The following TUSC3 variants were observed in gnomAD, a reference collection of about 807,000 sequenced individuals.
The protein encoded by TUSC3 is dolichyl-diphosphooligosaccharide--protein glycosyltransferase subunit TUSC3.
A neutral mutation model predicts 44.8 loss-of-function variants in TUSC3; 45 were observed. The observed-to-expected ratio is 1.00, with a 90% CI of 0.79 to 1.29. The LOEUF is 1.29. TUSC3 is among the 50% of genes most tolerant of loss of function. The probability of loss-of-function intolerance (pLI) is 0.00; values close to 1 mark genes in which losing one functional copy is unlikely to be tolerated. For missense variants in TUSC3, 519 were observed against 437.9 expected, an observed-to-expected ratio of 1.19 and a Z score of -1.65; for synonymous variants, 212 against 152.9, an observed-to-expected ratio of 1.39 and a Z score of -2.85.
At chr8:15,521,383 T>C (rs1801294953) in intron 2 of TUSC3, among the ~76,000 whole-genome samples, 1 of 151,444 alleles carries the variant, frequency 6.6e-6, no homozygotes, top group Non-Finnish European at 1.5e-5. Flanking sequence ...AGGGAAGGAG[T>C]GAGGGGCAGC....
At chr8:15,809,412 T>G in the TUSC3 span, among the ~76,000 whole-genome samples, 10 of 152,212 alleles carry the variant, frequency 6.6e-5, no homozygotes, top group Non-Finnish European at 1.2e-4. Context: ...TAAAGGTCCC[T>G]TAAACAAAAA....
chr8:15,437,243 A>C (rs1296086832), intron 1 of TUSC3, among the ~76,000 whole-genome samples: 1 of 152,178 alleles, frequency 6.6e-6, no homozygotes, highest in Non-Finnish European at 1.5e-5. Context: ...AATGGGCAAA[A>C]CTTTTCCAGC....
intron 1 of TUSC3, among the ~76,000 whole-genome samples, chr8:15,559,317 G>A (rs1370572681): frequency 6.9e-6 from 1 of 145,216 alleles, no homozygotes; most frequent in Non-Finnish European, 1.5e-5. Flanking sequence ...GCAGTTTTGA[G>A]TGAGATTCTT....
chr8:15,833,597 A>G, the TUSC3 span, among the ~76,000 whole-genome samples: 8 of 152,192 alleles, frequency 5.3e-5, no homozygotes, highest in South Asian at 6.2e-4. Context: ...ACAGAAAACC[A>G]AATACCACAC....
intron 9 of TUSC3, among the ~76,000 whole-genome samples, chr8:15,756,922 T>G (rs1811951386): frequency 6.6e-6 from 1 of 152,152 alleles, no homozygotes. Context: ...GCAGGAGAAT[T>G]TCCTGAGGCC....
At chr8:15,845,648 T>C in the TUSC3 span, among the ~76,000 whole-genome samples, 1 of 152,096 alleles carries the variant, frequency 6.6e-6, no homozygotes, top group South Asian at 2.1e-4. Flanking sequence ...TAGCCCTGAG[T>C]TGTCATTTAT....
rs117205099 is a variant in TUSC3 at position 15,724,536 on chromosome 8, C to T, written c.799-6130C>T. Among the ~76,000 whole-genome samples the T allele has an allele frequency of 9.4e-4, 143 of 152,198 alleles. 2 individuals carry two copies. The East Asian group carries it at 0.025, about 26-fold the overall frequency. ...AATACAAGATTTTTTCCCTCTGTTT[C>T]GTTTTTAGGTTGACAGTAAATTATC... On this transcript the variant is annotated intron_variant, in intron 6 of 10. Coordinates refer to ENST00000503731, the MANE Select transcript of TUSC3 (RefSeq NM_006765.4).
chr8:15,629,519 C>G (rs939904370), intron 2 of TUSC3, among the ~76,000 whole-genome samples: 1 of 149,114 alleles, frequency 6.7e-6, no homozygotes, highest in Non-Finnish European at 1.5e-5. Flanking sequence ...TGTAGATGCA[C>G]TGAGAAAGGG....
At chr8:15,679,741 T>C (rs1808335837) in intron 6 of TUSC3, among the ~76,000 whole-genome samples, 1 of 152,336 alleles carries the variant, frequency 6.6e-6, no homozygotes, top group Middle Eastern at 3.4e-3. Flanking sequence ...TTTTAAGTCT[T>C]TAATCCATCT....
chr8:15,620,891 A>G (rs968382827), intron 1 of TUSC3, among the ~76,000 whole-genome samples: 4 of 152,208 alleles, frequency 2.6e-5, no homozygotes, highest in Non-Finnish European at 4.4e-5. Context: ...TACTGTTTTC[A>G]TAGATACATA....
intron 1 of TUSC3, among the ~76,000 whole-genome samples, chr8:15,422,321 T>C (rs955453586): frequency 3.3e-5 from 5 of 152,226 alleles, no homozygotes; most frequent in Non-Finnish European, 7.3e-5. Context: ...TGTTCCATTC[T>C]GTTGTTTAAC....
intron 1 of TUSC3, among the ~76,000 whole-genome samples, chr8:15,575,612 A>C (rs2010716): frequency 0.45 from 68,848 of 151,784 alleles, 16,683 homozygotes; most frequent in Middle Eastern, 0.54. Context: ...ATTTAAAATA[A>C]AAAAATTAAT....
At chr8:15,563,585 C>T (rs913138364) in intron 1 of TUSC3, among the ~76,000 whole-genome samples, 1 of 148,934 alleles carries the variant, frequency 6.7e-6, no homozygotes, top group Admixed American at 6.8e-5. Flanking sequence ...ACTCAGGAGG[C>T]TGAGGCAGAA....
intron 1 of TUSC3, among the ~76,000 whole-genome samples, chr8:15,453,881 G>A (rs1440665078): frequency 6.6e-6 from 1 of 152,154 alleles, no homozygotes. Context: ...TCTCTCTATA[G>A]ATAGAAACAC....
At chr8:15,615,925 G>A (rs1192061907) in intron 1 of TUSC3, among the ~76,000 whole-genome samples, 2 of 152,150 alleles carry the variant, frequency 1.3e-5, no homozygotes, top group East Asian at 1.9e-4. Flanking sequence ...TTGAACTTGT[G>A]GACTCAAGTG....
intron 1 of TUSC3, among the ~76,000 whole-genome samples, chr8:15,573,848 T>G (rs530199875): frequency 2.0e-5 from 3 of 152,058 alleles, no homozygotes; most frequent in African/African-American, 7.2e-5. Flanking sequence ...GAGAATTGTT[T>G]CGTCAGAACA....
chr8:15,656,559 A>G (rs1017521935), intron 3 of TUSC3, among the ~76,000 whole-genome samples: 3 of 152,190 alleles, frequency 2.0e-5, no homozygotes. Flanking sequence ...ACACTGGGGC[A>G]AAGGTTGAAC....
chr8:15,658,114 G>T (rs62502095), intron 3 of TUSC3, among the ~76,000 whole-genome samples: 1 of 152,028 alleles, frequency 6.6e-6, no homozygotes, highest in Non-Finnish European at 1.5e-5. Flanking sequence ...GAGTTTTGGC[G>T]GGGACAAACA....
chr8:15,694,995 C>T (rs1376446091), intron 6 of TUSC3, among the ~76,000 whole-genome samples: 1 of 152,204 alleles, frequency 6.6e-6, no homozygotes, highest in Non-Finnish European at 1.5e-5. Flanking sequence ...CATGTGTTTG[C>T]ACCATTGCCG....
Sources: gnomAD v4.1 joint callset for allele counts (sites outside exome capture counted in the v4.1 genomes callset) on GRCh38, gnomAD v4.1.1 for gene constraint, MANE v1.5 for transcripts, NCBI Gene and HGNC (gene_info 2026-07-23, HGNC 2026-07-21) for gene names.